C12orf56: variants seen among roughly 807,000 people sequenced by gnomAD.
C12orf56 encodes the protein chromosome 12 open reading frame 56, also known as uncharacterized protein C12orf56.
Under a neutral mutation model 69.9 loss-of-function variants are expected in C12orf56, and 71 were observed. The observed-to-expected ratio is 1.02, with a 90% confidence interval of 0.84 to 1.24. The LOEUF (loss-of-function observed/expected upper bound fraction) is 1.24. Ranked by LOEUF, C12orf56 falls within the 50% of genes most tolerant of loss-of-function variation. The pLI, the probability that C12orf56 is intolerant of heterozygous loss-of-function variation, is 0.00. For missense variants in C12orf56, 732 were observed against 738.5 expected (o/e 0.99, Z 0.10); for synonymous variants, 276 against 274.1 (o/e 1.01, Z -0.07).
In C12orf56 at chr12:64,264,796, T is replaced by G. The variant is rs1257368734; in HGVS notation, c.*2387A>C. 1 of 152,238 alleles carries G rather than the reference T, an allele frequency of 6.6e-6. No homozygotes were observed. The highest frequency in any genetic ancestry group is 2.4e-5 in the African/African-American group (1 of 41,464). The allele number at this position is 152,238 out of a possible 1,614,324, so 9.4% of individuals were successfully genotyped here. A position where few individuals can be genotyped will look rare whatever the true frequency, so the allele number is the denominator to read the frequency against. The stretch of plus-strand genomic sequence containing the variant: ...GACAATCCTTCGAATTATTAGTTTC[T>G]GATCCCAGACTGTGCAAATGAATAG... On this transcript the variant is annotated 3_prime_UTR_variant, in exon 13 of 13. Coordinates refer to ENST00000543942, the MANE Select transcript of C12orf56 (RefSeq NM_001170633.2).
At position 64,338,160 on chromosome 12, in the gene C12orf56, C is replaced by T. The variant is rs115358699; in HGVS notation, c.416-7128G>A. Reference sequence around the variant, plus strand: ...GCAGGAGAGCTGAGGACGAGCTCCACCTCCCGAAGGCTTAGTCCAAAAACT... The same window carrying T: ...GCAGGAGAGCTGAGGACGAGCTCCATCTCCCGAAGGCTTAGTCCAAAAACT... On this transcript the variant is annotated intron_variant, in intron 2 of 12. Coordinates refer to ENST00000543942, the MANE Select transcript of C12orf56 (RefSeq NM_001170633.2). The T allele has an allele frequency of 7.6e-4, 432 of 565,742 alleles. 2 individuals carry two copies. Among genetic ancestry groups the T allele is most frequent in the African/African-American group, 7.1e-3 (372 of 52,444 alleles). 35.0% of individuals were successfully genotyped at this position (565,742 alleles called of 1,614,324 possible).
chr12:64,365,403 G>A (rs1032140868), intron 1 of C12orf56, among the ~76,000 whole-genome samples: 1 of 151,514 alleles, frequency 6.6e-6, no homozygotes, highest in Non-Finnish European at 1.5e-5. Flanking sequence ...CTGACCTCGT[G>A]ATCTGCCCTC....
intron 1 of C12orf56, among the ~76,000 whole-genome samples, chr12:64,371,152 A>G (rs1353104867): frequency 6.6e-6 from 1 of 152,238 alleles, no homozygotes; most frequent in Non-Finnish European, 1.5e-5. Context: ...CTGTAATCCG[A>G]GCACTTTGGG....
At chr12:64,327,533 C>A (rs2038860521) in intron 3 of C12orf56, among the ~76,000 whole-genome samples, 1 of 152,070 alleles carries the variant, frequency 6.6e-6, no homozygotes, top group Admixed American at 6.5e-5. Flanking sequence ...AAATGGGGAG[C>A]ATTATTGGCA....
At chr12:64,357,689 G>A (rs1190608282) in intron 1 of C12orf56, among the ~76,000 whole-genome samples, 3 of 152,052 alleles carry the variant, frequency 2.0e-5, no homozygotes, top group South Asian at 2.1e-4. Context: ...TTGAGATCAG[G>A]AGTTCGAGGC....
intron 5 of C12orf56, among the ~76,000 whole-genome samples, chr12:64,304,028 C>T (rs561072778): frequency 2.0e-5 from 3 of 152,308 alleles, no homozygotes; most frequent in Non-Finnish European, 4.4e-5. Context: ...CAGGAATACT[C>T]TCACTGTCCC....
intron 6 of C12orf56, among the ~76,000 whole-genome samples, chr12:64,296,421 T>C (rs1472727473): frequency 6.6e-6 from 1 of 152,206 alleles, no homozygotes; most frequent in Non-Finnish European, 1.5e-5. Flanking sequence ...CCTTTTGGAA[T>C]GGGAATGTCT....
rs11175325 is a variant in C12orf56 at position 64,293,127 on chromosome 12, G to A, written c.1114-7067C>T. Among the ~76,000 whole-genome samples the A allele has an allele frequency of 9.2e-3, 1,393 of 152,206 alleles. 43 individuals carry two copies. Among genetic ancestry groups the A allele is most frequent in the Admixed American group, 0.049 (747 of 15,292 alleles). ...GTGACCCGATTTTCCAGGTGCGTCC[G>A]TCACCCCTTTCTTTGACTCGGAAAG... On this transcript the variant is annotated intron_variant, in intron 6 of 12. Coordinates refer to ENST00000543942, the MANE Select transcript of C12orf56 (RefSeq NM_001170633.2).
chr12:64,315,552 G>A (rs2038681450), intron 4 of C12orf56, among the ~76,000 whole-genome samples: 1 of 152,046 alleles, frequency 6.6e-6, no homozygotes, highest in Non-Finnish European at 1.5e-5. Flanking sequence ...TCAACTCTTT[G>A]GAAACTCTTA....
chr12:64,293,005 C>T (rs113868950), intron 6 of C12orf56, among the ~76,000 whole-genome samples: 482 of 151,444 alleles, frequency 3.2e-3, no homozygotes, highest in African/African-American at 7.9e-3. Flanking sequence ...ATCAGCGAGA[C>T]TCCGTGGGCG....
chr12:64,278,251 T>A (rs1010986315), intron 8 of C12orf56, among the ~76,000 whole-genome samples: 2 of 152,228 alleles, frequency 1.3e-5, no homozygotes, highest in African/African-American at 4.8e-5. Flanking sequence ...AGGCTTTATA[T>A]GCTAATATGC....
At chr12:64,327,519 C>T (rs868174168) in intron 3 of C12orf56, among the ~76,000 whole-genome samples, 3 of 152,094 alleles carry the variant, frequency 2.0e-5, no homozygotes, top group African/African-American at 7.2e-5. Context: ...TTAGTTGCCA[C>T]AATAAATGGG....
intron 5 of C12orf56, among the ~76,000 whole-genome samples, chr12:64,305,157 C>T (rs1350719519): frequency 6.6e-6 from 1 of 151,812 alleles, no homozygotes; most frequent in Non-Finnish European, 1.5e-5. Flanking sequence ...TCTTTTCTAG[C>T]GGAGATGCTG....
chr12:64,317,903 A>C (rs1050784731), intron 4 of C12orf56, among the ~76,000 whole-genome samples: 19 of 152,178 alleles, frequency 1.2e-4, no homozygotes, highest in African/African-American at 4.6e-4. Flanking sequence ...TAAGCAATAC[A>C]GAATCATACT....
intron 1 of C12orf56, among the ~76,000 whole-genome samples, chr12:64,375,516 A>G (rs940174853): frequency 1.8e-4 from 27 of 152,356 alleles, no homozygotes; most frequent in African/African-American, 5.3e-4. Flanking sequence ...ACTGCTAACA[A>G]GTGTACAGTG....
intron 1 of C12orf56, among the ~76,000 whole-genome samples, chr12:64,359,276 TTCA>T (rs2039364456): frequency 6.6e-6 from 1 of 152,166 alleles, no homozygotes; most frequent in Admixed American, 6.5e-5. Flanking sequence ...CTTTCCTCTC[TTCA>T]TCAAACCAAG....
At chr12:64,346,033 C>T (rs1592472963) in intron 2 of C12orf56, among the ~76,000 whole-genome samples, 1 of 152,276 alleles carries the variant, frequency 6.6e-6, no homozygotes, top group Non-Finnish European at 1.5e-5. Flanking sequence ...AGAACTCCAT[C>T]CTTAATATTC....
At chr12:64,329,537 T>G (rs190944275) in intron 3 of C12orf56, among the ~76,000 whole-genome samples, 170 of 151,660 alleles carry the variant, frequency 1.1e-3, no homozygotes, top group Non-Finnish European at 1.8e-4. Context: ...TTATTTTTTA[T>G]TATTACACTT....
chr12:64,389,590 A>G (rs1272399803), intron 1 of C12orf56, among the ~76,000 whole-genome samples: 2 of 152,128 alleles, frequency 1.3e-5, no homozygotes, highest in East Asian at 1.9e-4. Context: ...TCCGCCTCCC[A>G]GGTTCAAGCG....
Sources: gnomAD v4.1 joint callset for allele counts (sites outside exome capture counted in the v4.1 genomes callset) on GRCh38, gnomAD v4.1.1 for gene constraint, MANE v1.5 for transcripts, NCBI Gene and HGNC (gene_info 2026-07-23, HGNC 2026-07-21) for gene names.